USP36: variants seen among roughly 807,000 people sequenced by gnomAD.
USP36 encodes the protein ubiquitin specific peptidase 36, also known as ubiquitin carboxyl-terminal hydrolase 36.
USP36 carries 59 observed loss-of-function variants against 111.5 expected under a neutral mutation model. The ratio of observed to expected loss-of-function variants is 0.53; its 90% CI spans 0.43 to 0.66. The LOEUF (loss-of-function observed/expected upper bound fraction) is 0.66. USP36 is among the 30% of genes least tolerant of loss of function. The pLI is 0.00. For synonymous variants in USP36, 628 were observed against 581.0 expected (o/e 1.08, Z -1.16); for missense variants, 1,488 against 1,468.0 (o/e 1.01, Z -0.22).
intron 6 of USP36, among the ~76,000 whole-genome samples, chr17:78,825,668 G>A (rs1284296153): frequency 6.6e-6 from 1 of 152,078 alleles, no homozygotes; most frequent in African/African-American, 2.4e-5. Context: ...TACTCCTCAC[G>A]AATTTCTTCC....
chr17:78,837,597 C>T (rs183544527), intron 2 of USP36, among the ~76,000 whole-genome samples: 1 of 152,288 alleles, frequency 6.6e-6, no homozygotes, highest in East Asian at 1.9e-4. Flanking sequence ...ACCCCTGCAC[C>T]TCTCCAATCG....
chr17:78,805,383 T>C (rs1038074913), intron 15 of USP36, among the ~76,000 whole-genome samples: 5 of 152,152 alleles, frequency 3.3e-5, no homozygotes, highest in African/African-American at 1.2e-4. Flanking sequence ...TGTGTGTATA[T>C]GTGAGAGGAG....
chr17:78,807,695 A>T (rs1040327524), intron 13 of USP36, 59 bp from the exon 14 acceptor site: 11 of 1,476,838 alleles, frequency 7.4e-6, no homozygotes, highest in African/African-American at 1.4e-5. Context: ...GCTGGGCCAC[A>T]TCTTCTTAAG....
chr17:78,803,839 G>A lies in USP36; in HGVS notation c.2356C>T (p.Gln786Ter). The A allele has an allele frequency of 1.2e-6, 2 of 1,612,766 alleles. No homozygotes were observed. Among genetic ancestry groups the A allele is most frequent in the Non-Finnish European group, 1.7e-6 (2 of 1,180,000 alleles). ...AGAGACACAAGGTCCTCGTTGACCT[G>A]AGGCAGCGCCGTCGAGATGGAGGAG... Reference protein sequence around the residue: ...SCSSISTALPQVNEDLVSLPH... With the variant: ...SCSSISTALP Residue 786 changes from glutamine to a stop codon, truncating the protein, a stop_gained, in exon 16 of 21, where the codon CAG (glutamine) becomes TAG (stop). Transcript: ENST00000449938. LOFTEE classifies it high-confidence loss of function. This position sits in a 1 kb window ranked among gnomAD's most constrained non-coding sequence, Gnocchi z 4.6.
rs769023609 is a variant in USP36, at chr17:78,806,957, A to G, written c.2085+2T>C. On this transcript the variant is annotated splice_donor_variant, in intron 14 of 20. Coordinates refer to ENST00000449938, the MANE Select transcript of USP36 (RefSeq NM_001385174.1). LOFTEE classifies it high-confidence loss of function. ...GCAGCGGCGAGACCCCCACACACCC[A>G]CCTTCTTGGCAGAAAGGGCCAGTTT... 6.2e-7 allele frequency: 1 copy of G among 1,613,474 alleles called. No individual in the cohort carries two copies. Among genetic ancestry groups the G allele is most frequent in the African/African-American group, 1.3e-5 (1 of 74,862 alleles).
chr17:78,811,130 C>CAAAAAAAAAA (rs969048033), intron 13 of USP36, among the ~76,000 whole-genome samples: 1 of 28,348 alleles, frequency 3.5e-5, no homozygotes, highest in Non-Finnish European at 7.5e-5. Flanking sequence ...GACTCTGTCT[C>CAAAAAAAAAA]AAAAAAAAAA....
At chr17:78,811,219 C>G (rs1485119808) in intron 13 of USP36, among the ~76,000 whole-genome samples, 1 of 150,702 alleles carries the variant, frequency 6.6e-6, no homozygotes, top group African/African-American at 2.4e-5. Context: ...GAGGAAACTG[C>G]TCATGAATCC....
intron 4 of USP36, among the ~76,000 whole-genome samples, chr17:78,834,997 G>GTGTATATATATATATATA (rs968867639): frequency 3.5e-5 from 5 of 141,430 alleles, no homozygotes; most frequent in African/African-American, 1.4e-4. Context: ...AATAATATTT[G>GTGTATATATATATATATA]TATATATATA....
Position 78,803,556 on chromosome 17 carries a change from G to A in USP36, c.2639C>T (p.Ala880Val). Residue 880 changes from alanine to valine, a missense_variant, in exon 16 of 21, where the codon GCA becomes GTA. Ala to Val is a moderately conservative substitution (Grantham distance 64, BLOSUM62 0). Around this residue, in one of 3 missense-constraint regions of USP36, gnomAD observed 1,073 missense variants for 994.1 expected, o/e 1.08. Coordinates refer to ENST00000449938, the MANE Select transcript of USP36 (RefSeq NM_001385174.1). The surrounding 1 kb of genome is among the most constrained non-coding windows in gnomAD (Gnocchi z 4.6). Reference protein sequence around the residue: ...GSPMYRREGQAQLPAVRRQED... With the variant: ...GSPMYRREGQVQLPAVRRQED... ...CTGCCGTCTGACAGCGGGCAGCTGTGCCTGGCCCTCCCTCCTGTACATGGG... is the reference window on the plus strand; with the variant it reads ...CTGCCGTCTGACAGCGGGCAGCTGTACCTGGCCCTCCCTCCTGTACATGGG... 6.2e-7 allele frequency: 1 copy of A among 1,613,464 alleles called. No individual in the cohort carries two copies. The highest frequency in any genetic ancestry group is 8.5e-7 in the Non-Finnish European group (1 of 1,180,030).
intron 6 of USP36, 166 bp downstream of exon 6, chr17:78,827,079 T>C: frequency 1.3e-6 from 1 of 767,950 alleles, no homozygotes; most frequent in Non-Finnish European, 2.3e-6. Flanking sequence ...CAATCCCCTA[T>C]TTGGGCTCCA....
At chr17:78,838,183 C>G (rs537274886) in intron 2 of USP36, among the ~76,000 whole-genome samples, 97 of 152,024 alleles carry the variant, frequency 6.4e-4, no homozygotes, top group Admixed American at 1.8e-3. Flanking sequence ...AATTCAAGAC[C>G]AGCCTGGCGA....
chr17:78,835,248 C>G, intron 4 of USP36, 32 bp downstream of exon 4: 1 of 1,604,784 alleles, frequency 6.2e-7, no homozygotes, highest in Non-Finnish European at 8.5e-7. Context: ...AGAGGACCCA[C>G]AGCCACCCCA....
In USP36 at chr17:78,812,564, C is replaced by A. The variant is rs1422290702; in HGVS notation, c.1407+296G>T. Among the ~76,000 whole-genome samples the A allele has an allele frequency of 4.4e-4, 67 of 151,764 alleles. 1 individual carries two copies. Among genetic ancestry groups the A allele is most frequent in the Non-Finnish European group, 7.4e-5 (5 of 67,896 alleles). On this transcript the variant is annotated intron_variant, in intron 13 of 20. Transcript: ENST00000449938. ...AAATTAGCCGGGCGTGGTTCGGGCA[C>A]CTATAATCCCAGCTACTAGGGAGGC...
At position 78,820,932 on chromosome 17, in the gene USP36, G is replaced by A. The variant is rs2094303057; in HGVS notation, c.828+59C>T. On this transcript the variant is annotated intron_variant, in intron 8 of 20. Coordinates refer to ENST00000449938, the MANE Select transcript of USP36 (RefSeq NM_001385174.1). ...ATGCCTTTACTGTTCTGCGGGTTCTGTTTCACCCTCTGGCCTCGCTCTCCT... is the reference window on the plus strand; with the variant it reads ...ATGCCTTTACTGTTCTGCGGGTTCTATTTCACCCTCTGGCCTCGCTCTCCT... 16 of 1,544,630 alleles carry A rather than the reference G, an allele frequency of 1.0e-5. No homozygotes were observed. In the South Asian group the frequency reaches 1.8e-4, roughly 17 times the overall value.
downstream of USP36, among the ~76,000 whole-genome samples, chr17:78,791,192 T>C (rs2093581086): frequency 6.8e-6 from 1 of 147,932 alleles, no homozygotes; most frequent in African/African-American, 2.5e-5. Context: ...TGGAATGCAA[T>C]GGTGCGATCT....
chr17:78,832,196 T>C (rs901204565), intron 4 of USP36, among the ~76,000 whole-genome samples: 1 of 152,220 alleles, frequency 6.6e-6, no homozygotes, highest in African/African-American at 2.4e-5. Flanking sequence ...ACAGTGTTTC[T>C]CTTCTAGCTA....
intron 6 of USP36, 88 bp downstream of exon 6, chr17:78,827,157 G>T: frequency 1.4e-6 from 2 of 1,435,510 alleles, no homozygotes; most frequent in Non-Finnish European, 1.9e-6. Flanking sequence ...GAAAGGTGCC[G>T]GGCTGGCTGT....
rs771571903 is a variant in USP36, at chr17:78,806,171, G to C, written c.2201C>G (p.Pro734Arg). Residue 734 changes from proline (P) to arginine (R), a missense_variant, in exon 15 of 21, where the codon CCC becomes CGC. Pro to Arg is a moderately radical substitution (Grantham distance 103). Coordinates refer to ENST00000449938, the MANE Select transcript of USP36 (RefSeq NM_001385174.1). ...CAAAGCTTACCTGGCTCTATGGACG[G>C]GCCAAGTGGAGGCAACGACGGGGTG... ...TSHPVVASTW[P>R]VHRARAVSPA... 2 of 1,613,510 alleles carry C rather than the reference G, an allele frequency of 1.2e-6. No individual in the cohort carries two copies. Among genetic ancestry groups the C allele is most frequent in the Non-Finnish European group, 1.7e-6 (2 of 1,179,926 alleles).
At chr17:78,827,816 G>C (rs1372110825) in intron 5 of USP36, among the ~76,000 whole-genome samples, 1 of 152,232 alleles carries the variant, frequency 6.6e-6, no homozygotes, top group Non-Finnish European at 1.5e-5. Context: ...GGCTGAGGCA[G>C]GAGGATGGGT....
Sources: gnomAD v4.1 joint callset for allele counts (sites outside exome capture counted in the v4.1 genomes callset) on GRCh38, gnomAD v4.1.1 for gene constraint, gnomAD v4.1.1 regional missense constraint, Gnocchi (gnomAD v3.1) non-coding constraint, MANE v1.5 for transcripts, NCBI Gene and HGNC (gene_info 2026-07-23, HGNC 2026-07-21) for gene names.